Variants in SGSM1 observed in about 807,000 individuals in gnomAD.
SGSM1 encodes RUN and TBC1 domain containing 2.
In SGSM1, 73 loss-of-function variants were observed where a neutral mutation model predicts 133.8. The ratio of observed to expected loss-of-function variants is 0.55; its 90% CI spans 0.45 to 0.66. The LOEUF is 0.66. Among genes scored for constraint, SGSM1 ranks in the 30% least tolerant of loss-of-function variants. The pLI is 0.00. For missense variants in SGSM1, 1,213 were observed against 1,448.1 expected (o/e 0.84, Z 2.64); for synonymous variants, 563 against 573.0 (o/e 0.98, Z 0.25).
intron 5 of SGSM1, among the ~76,000 whole-genome samples, chr22:24,852,450 A>AT (rs1357042281): frequency 3.9e-5 from 6 of 151,988 alleles, no homozygotes; most frequent in Admixed American, 6.6e-5. Flanking sequence ...TTTTAAATTT[A>AT]TTTTTATTTT....
Position 24,813,474 on chromosome 22 carries a change from C to T in SGSM1, c.63+6990C>T, listed in dbSNP as rs981506938. ...CACAGCCCCCCACCCACTACTCGCC[C>T]CACTGTGCCAAGGAGAGACTCCAAA... On this transcript the variant is annotated intron_variant, in intron 2 of 24. Transcript: ENST00000400358. Among the ~76,000 whole-genome samples the T allele has an allele frequency of 1.3e-4, 20 of 152,272 alleles. No homozygotes were observed. In the Middle Eastern group the frequency reaches 0.01, roughly 78 times the overall value.
chr22:24,911,214 G>A (rs1933604499), intron 21 of SGSM1, among the ~76,000 whole-genome samples: 1 of 152,044 alleles, frequency 6.6e-6, no homozygotes, highest in Admixed American at 6.6e-5. Flanking sequence ...TCCAGCCTGG[G>A]TGGCAGAATG....
chr22:24,877,864 G>A (rs372822338), intron 13 of SGSM1, among the ~76,000 whole-genome samples: 1 of 127,528 alleles, frequency 7.8e-6, no homozygotes, highest in African/African-American at 3.0e-5. Flanking sequence ...AGGCTGGAGT[G>A]CAATGGCATG....
intron 2 of SGSM1, among the ~76,000 whole-genome samples, chr22:24,817,436 T>C (rs1477991821): frequency 6.6e-6 from 1 of 151,594 alleles, no homozygotes; most frequent in Non-Finnish European, 1.5e-5. Context: ...CCCTGCAACC[T>C]CCGCCTCCTG....
intron 23 of SGSM1, among the ~76,000 whole-genome samples, chr22:24,919,264 C>T (rs1234326324): frequency 6.6e-6 from 1 of 151,838 alleles, no homozygotes; most frequent in Non-Finnish European, 1.5e-5. Flanking sequence ...TTTGGCCAGG[C>T]TGATCTTGAA....
At chr22:24,886,829 G>T in intron 16 of SGSM1, 101 bp downstream of exon 16, 3 of 1,384,514 alleles carry the variant, frequency 2.2e-6, no homozygotes, top group South Asian at 3.2e-5. Context: ...AGGAAGGGGA[G>T]GGAGATACGG....
Position 24,898,052 on chromosome 22 carries a change from GA to G in SGSM1, c.2105del (p.Asn702ThrfsTer2). On this transcript the variant is annotated frameshift_variant, in exon 19 of 25. Transcript: ENST00000400358. LOFTEE classifies it high-confidence loss of function. ...AGAAACAGCCCAAGATCCCCAATGGGAACCTAGTGAACGGCACTTGTTCCCC... is the reference window on the plus strand; with the variant it reads ...AGAAACAGCCCAAGATCCCCAATGGGACCTAGTGAACGGCACTTGTTCCCC... ...EEKQPKIPNG[N>X]LVNGTCSPDS... The G allele has an allele frequency of 6.2e-7, 1 of 1,613,926 alleles. No homozygotes were observed. Among genetic ancestry groups the G allele is most frequent in the Non-Finnish European group, 8.5e-7 (1 of 1,179,876 alleles).
At chr22:24,850,531 C>T in intron 5 of SGSM1, 99 bp downstream of exon 5, 1 of 1,473,468 alleles carries the variant, frequency 6.8e-7, no homozygotes, top group East Asian at 2.3e-5. Flanking sequence ...TCTTTTTCCC[C>T]TTGACAGCCA....
chr22:24,840,190 T>C (rs894898409), intron 2 of SGSM1, among the ~76,000 whole-genome samples: 1 of 152,074 alleles, frequency 6.6e-6, no homozygotes, highest in Non-Finnish European at 1.5e-5. Flanking sequence ...GTGATCTGCC[T>C]GCATCAGCCT....
intron 2 of SGSM1, among the ~76,000 whole-genome samples, chr22:24,824,813 C>T (rs934506643): frequency 3.3e-5 from 5 of 152,184 alleles, no homozygotes; most frequent in Admixed American, 6.5e-5. Context: ...CTTTGTTATT[C>T]ACCTAGAACC....
At chr22:24,902,930 A>G (rs1933216908) in intron 20 of SGSM1, among the ~76,000 whole-genome samples, 1 of 152,104 alleles carries the variant, frequency 6.6e-6, no homozygotes, top group Non-Finnish European at 1.5e-5. Context: ...AGTCGTAGCT[A>G]CTTTGGGAGG....
intron 16 of SGSM1, among the ~76,000 whole-genome samples, chr22:24,891,857 GGAAGA>G (rs2123690736): frequency 6.6e-6 from 1 of 152,242 alleles, no homozygotes; most frequent in Non-Finnish European, 1.5e-5. Flanking sequence ...GGTGAAGAAG[GGAAGA>G]GAAGACAGCA....
Position 24,898,485 on chromosome 22 carries a change from G to T in SGSM1, c.2536G>T (p.Ala846Ser). 10 of 1,613,880 alleles carry T rather than the reference G, an allele frequency of 6.2e-6. No homozygotes were observed. Among genetic ancestry groups the T allele is most frequent in the Non-Finnish European group, 8.5e-6 (10 of 1,179,878 alleles). Residue 846 changes from alanine (A) to serine (S), a missense_variant, in exon 19 of 25, where the codon GCC (alanine) becomes TCC (serine). By Grantham distance (99) the Ala-to-Ser change is moderately conservative (BLOSUM62 1). Coordinates refer to ENST00000400358, the MANE Select transcript of SGSM1 (RefSeq NM_001098497.3). ...EEPEMESLFPALASLAVTTSA... is the reference protein window; with the variant it reads ...EEPEMESLFPSLASLAVTTSA... ...GCCTGAGATGGAAAGTCTCTTCCCTGCCCTGGCTTCTCTGGCTGTGACTAC... is the reference window on the plus strand; with the variant it reads ...GCCTGAGATGGAAAGTCTCTTCCCTTCCCTGGCTTCTCTGGCTGTGACTAC...
intron 5 of SGSM1, among the ~76,000 whole-genome samples, chr22:24,852,069 T>C (rs1235450785): frequency 1.3e-5 from 2 of 152,206 alleles, no homozygotes; most frequent in Non-Finnish European, 2.9e-5. Flanking sequence ...GTCAACCTGC[T>C]TTTTTTCCAT....
intron 23 of SGSM1, among the ~76,000 whole-genome samples, chr22:24,918,471 G>C (rs1362397041): frequency 3.4e-5 from 5 of 148,182 alleles, no homozygotes; most frequent in Non-Finnish European, 7.4e-5. Context: ...ACTCTAGCCT[G>C]GGTGACAGAG....
At position 24,898,355 on chromosome 22, in the gene SGSM1, G is replaced by C; in HGVS notation, c.2406G>C (p.Leu802=). Residue 802 remains leucine (L), a synonymous_variant, in exon 19 of 25, where the codon CTG becomes CTC. Transcript: ENST00000400358. ...MDEFMSITGS[L]DMALPEKDDV... The stretch of plus-strand genomic sequence containing the variant: ...AGTTCATGTCCATCACGGGCAGCCT[G>C]GACATGGCCCTGCCTGAAAAGGACG... The C allele has an allele frequency of 6.2e-7, 1 of 1,613,944 alleles. No homozygotes were observed. Among genetic ancestry groups the C allele is most frequent in the South Asian group, 1.1e-5 (1 of 91,072 alleles).
At chr22:24,902,969 G>A (rs917846939) in intron 20 of SGSM1, among the ~76,000 whole-genome samples, 8 of 152,156 alleles carry the variant, frequency 5.3e-5, no homozygotes, top group African/African-American at 1.9e-4. Context: ...TTGAACCTGG[G>A]AGGTTGAGGC....
Position 24,818,156 on chromosome 22 carries a change from C to G in SGSM1, c.63+11672C>G, listed in dbSNP as rs552540520. ...CTGAGGCAGGAGAATCGCTTCAACC[C>G]AGGAGGCAGAGGTAGCAGTGAGTTG... On this transcript the variant is annotated intron_variant, in intron 2 of 24. Transcript: ENST00000400358. 6.0e-5 allele frequency among the ~76,000 whole-genome samples: 9 copies of G among 151,086 alleles called. No individual in the cohort carries two copies. The East Asian group carries it at 1.8e-3, about 30-fold the overall frequency.
intron 13 of SGSM1, among the ~76,000 whole-genome samples, chr22:24,878,226 C>T (rs766665499): frequency 1.7e-4 from 26 of 152,116 alleles, no homozygotes; most frequent in Non-Finnish European, 3.4e-4. Flanking sequence ...CCCAGGAATC[C>T]ACATGTTGGA....
Sources: allele counts gnomAD v4.1 joint callset (sites outside exome capture counted in the v4.1 genomes callset), GRCh38; gene constraint gnomAD v4.1.1; transcripts MANE v1.5; gene names NCBI Gene and HGNC (gene_info 2026-07-23, HGNC 2026-07-21).